The following SZT2 variants were observed in gnomAD, a reference collection of about 807,000 sequenced individuals.
SZT2 encodes the protein SZT2 subunit of KICSTOR complex, also known as KICSTOR complex protein SZT2.
In SZT2, 216 loss-of-function variants were observed where a neutral mutation model predicts 404.2. The observed-to-expected ratio is 0.53, with a 90% confidence interval of 0.48 to 0.60. SZT2 has a LOEUF of 0.60. Among genes scored for constraint, SZT2 ranks in the 20% least tolerant of loss-of-function variants. The pLI is 0.00. For synonymous variants in SZT2, 1,693 were observed against 1,749.9 expected, an observed-to-expected ratio of 0.97 and a Z score of 0.81; for missense variants, 3,857 against 4,459.2, an observed-to-expected ratio of 0.86 and a Z score of 3.85.
chr1:43,441,290 G>A lies in SZT2; in HGVS notation c.7421G>A (p.Arg2474Gln), dbSNP rs1655031928. The A allele has an allele frequency of 4.3e-6, 7 of 1,614,230 alleles. No individual in the cohort carries two copies. Among genetic ancestry groups the A allele is most frequent in the Admixed American group, 1.7e-5 (1 of 60,028 alleles). Residue 2474 changes from arginine (R) to glutamine (Q), a missense_variant, in exon 53 of 72, where the codon CGG (arginine) becomes CAG (glutamine). Arg to Gln is a conservative substitution (Grantham distance 43). This residue lies in a region of SZT2 where 573 missense variants were observed against 592.4 expected (regional missense o/e 0.97). Coordinates refer to ENST00000634258, the MANE Select transcript of SZT2 (RefSeq NM_001365999.1). The surrounding 1 kb of genome is among the most constrained non-coding windows in gnomAD (Gnocchi z 4.8). ...DIVLDRPEDT[R>Q]GRRRHKTESV... The stretch of plus-strand genomic sequence containing the variant: ...GTCCTGGATCGGCCAGAAGACACTC[G>A]GGGCCGGAGGCGTCACAAAACCGAG...
chr1:43,428,534 C>T (rs766551513), intron 28 of SZT2, 48 bp downstream of exon 28: 3 of 1,587,470 alleles, frequency 1.9e-6, no homozygotes, highest in East Asian at 2.2e-5. Context: ...CAGACCAAGT[C>T]CCTATAAACA....
Position 43,396,491 on chromosome 1 carries a change from A to T in SZT2, c.27+6496A>T, listed in dbSNP as rs113235997. Among the ~76,000 whole-genome samples the T allele has an allele frequency of 6.7e-3, 1,027 of 152,346 alleles. 10 individuals are homozygous for T. The highest frequency in any genetic ancestry group is 0.024 in the African/African-American group (978 of 41,582). On this transcript the variant is annotated intron_variant, in intron 1 of 71. Transcript: ENST00000634258. ...TGTGAGGACATTCCCAACTCTACCA[A>T]CTAAACAGGTATGGGCAAAAAAAAC...
Position 43,439,470 on chromosome 1 carries a change from A to C in SZT2, c.6877+28A>C. The C allele has an allele frequency of 6.2e-7, 1 of 1,600,228 alleles. No individual in the cohort carries two copies. The highest frequency in any genetic ancestry group is 8.5e-7 in the Non-Finnish European group (1 of 1,171,860). On this transcript the variant is annotated intron_variant, in intron 49 of 71. Coordinates refer to ENST00000634258, the MANE Select transcript of SZT2 (RefSeq NM_001365999.1). This position sits in a 1 kb window ranked among gnomAD's most constrained non-coding sequence, Gnocchi z 4.2. Reference sequence around the variant, plus strand: ...ACGGTGCAGGGCACGGGCCTGTGGCACCACCAGGTGAGGGAAAGCCTTTTG... The same window carrying C: ...ACGGTGCAGGGCACGGGCCTGTGGCCCCACCAGGTGAGGGAAAGCCTTTTG...
At chr1:43,446,055 G>A in intron 63 of SZT2, 71 bp downstream of exon 63, 1 of 1,591,956 alleles carries the variant, frequency 6.3e-7, no homozygotes, top group Non-Finnish European at 8.6e-7. Context: ...CATTGACCCT[G>A]AGTGATGTAC....
chr1:43,425,855 C>T lies in SZT2; in HGVS notation c.2835C>T (p.Ala945=). ...TGTAGCTCCACCCACGGGATGCTGC[C>T]TGCATAGGCTCCATGCTGAGCTTTG... The part of the protein sequence containing the change: ...IPQALHPRDA[A]CIGSMLSFEY... The change falls in exon 20 of 72, where the codon GCC becomes GCT. Residue 945 remains alanine, a synonymous_variant. Coordinates refer to ENST00000634258, the MANE Select transcript of SZT2 (RefSeq NM_001365999.1). The surrounding 1 kb of genome is among the most constrained non-coding windows in gnomAD (Gnocchi z 4.3). 1 of 1,614,028 alleles carries T rather than the reference C, an allele frequency of 6.2e-7. No homozygotes were observed. The highest frequency in any genetic ancestry group is 8.5e-7 in the Non-Finnish European group (1 of 1,179,988).
chr1:43,404,463 A>G lies in SZT2; in HGVS notation c.411A>G (p.Arg137=), dbSNP rs1650059049. The change falls in exon 4 of 72, where the codon CGA becomes CGG. Residue 137 remains arginine (R), a synonymous_variant. Coordinates refer to ENST00000634258, the MANE Select transcript of SZT2 (RefSeq NM_001365999.1). ...RCLGGLLRPF[R]VPGSCIDFQP... is the part of the protein sequence containing the mutation. Reference sequence around the variant, plus strand: ...TAGGCGGGCTGCTTCGGCCCTTCCGAGTGCCTGGATCTTGCATCGACTTCC... The same window carrying G: ...TAGGCGGGCTGCTTCGGCCCTTCCGGGTGCCTGGATCTTGCATCGACTTCC... The G allele has an allele frequency of 6.2e-7, 1 of 1,613,902 alleles. No individual in the cohort carries two copies. The highest frequency in any genetic ancestry group is 8.5e-7 in the Non-Finnish European group (1 of 1,180,004).
In SZT2 at chr1:43,416,565, G is replaced by A; in HGVS notation, c.803G>A (p.Ser268Asn). The change falls in exon 7 of 72, where the codon AGT (serine) becomes AAT (asparagine). Residue 268 changes from serine to asparagine, a missense_variant. By Grantham distance (46) the Ser-to-Asn change is conservative (BLOSUM62 1). Coordinates refer to ENST00000634258, the MANE Select transcript of SZT2 (RefSeq NM_001365999.1). The stretch of plus-strand genomic sequence containing the variant: ...ATCGTGATCACGGATGGGGTGACCA[G>A]TGTACCTGATGTTGCTGTCTGTGAG... ...GIIVITDGVT[S>N]VPDVAVCETL... The A allele has an allele frequency of 6.3e-7, 1 of 1,598,382 alleles. No individual in the cohort carries two copies. Among genetic ancestry groups the A allele is most frequent in the South Asian group, 1.1e-5 (1 of 91,040 alleles).
Position 43,434,426 on chromosome 1 carries a change from C to G in SZT2, c.5845C>G (p.Arg1949Gly), listed in dbSNP as rs775747042. The change falls in exon 41 of 72, where the codon CGC becomes GGC. Residue 1949 changes from arginine to glycine, a missense_variant. Arg to Gly is a moderately radical substitution (Grantham distance 125). Around this residue, in one of 7 missense-constraint regions of SZT2, gnomAD observed 1,725 missense variants for 1,881.0 expected, o/e 0.92. Transcript: ENST00000634258. ...GGATGGGGGGCCGGGCACTGAGTGT[C>G]GCCACCTGCAGCAGCTCCTGGTGAG... is the stretch of plus-strand genomic sequence containing the variant. The part of the protein sequence containing the change: ...REDGGPGTEC[R>G]HLQQLLVRRV... 24 of 1,598,988 alleles carry G rather than the reference C, an allele frequency of 1.5e-5. 1 individual carries two copies. The South Asian group carries it at 2.4e-4, about 16-fold the overall frequency.
chr1:43,424,387 C>T lies in SZT2; in HGVS notation c.2426C>T (p.Ala809Val), dbSNP rs1011101658. 17 of 1,598,072 alleles carry T rather than the reference C, an allele frequency of 1.1e-5. No homozygotes were observed. Among genetic ancestry groups the T allele is most frequent in the South Asian group, 2.2e-5 (2 of 91,076 alleles). ...AGTGTCCCGTCAGGACTGGCCCCTG[C>T]GCTGCCTCTCAGTGCCATTGCCCAG... ...LWSVPSGLAP[A>V]LPLSAIAQLL... The change falls in exon 16 of 72, where the codon GCG (alanine) becomes GTG (valine). Residue 809 changes from alanine (A) to valine (V), a missense_variant. By Grantham distance (64) the Ala-to-Val change is moderately conservative. This residue lies in a region of SZT2 where 1,725 missense variants were observed against 1,881.0 expected (regional missense o/e 0.92). Coordinates refer to ENST00000634258, the MANE Select transcript of SZT2 (RefSeq NM_001365999.1). This position sits in a 1 kb window ranked among gnomAD's most constrained non-coding sequence, Gnocchi z 4.1.
Position 43,439,755 on chromosome 1 carries a change from T to G in SZT2, c.7028T>G (p.Val2343Gly). 1.3e-6 allele frequency: 2 copies of G among 1,593,788 alleles called. No individual in the cohort carries two copies. Among genetic ancestry groups the G allele is most frequent in the Non-Finnish European group, 1.7e-6 (2 of 1,168,874 alleles). Residue 2343 changes from valine to glycine, a missense_variant, in exon 50 of 72, where the codon GTG becomes GGG. Val to Gly is a moderately radical substitution (Grantham distance 109). This residue lies in a region of SZT2 where 573 missense variants were observed against 592.4 expected (regional missense o/e 0.97). Transcript: ENST00000634258. This position sits in a 1 kb window ranked among gnomAD's most constrained non-coding sequence, Gnocchi z 4.2. Reference protein sequence around the residue: ...LTQVIRCPVVVDSSSAQNGAP... With the variant: ...LTQVIRCPVVGDSSSAQNGAP... ...CAGGTCATCCGCTGCCCGGTTGTTG[T>G]GGACAGTTCTTCAGGTGGGACAGCT...
intron 4 of SZT2, among the ~76,000 whole-genome samples, chr1:43,413,377 A>G (rs1396886488): frequency 6.6e-6 from 1 of 152,182 alleles, no homozygotes; most frequent in Non-Finnish European, 1.5e-5. Flanking sequence ...GCAAGACTCC[A>G]TCTCAAACAA....
Position 43,437,774 on chromosome 1 carries a change from C to T in SZT2, c.6397-17C>T. The T allele has an allele frequency of 1.2e-6, 2 of 1,614,128 alleles. No homozygotes were observed. Among genetic ancestry groups the T allele is most frequent in the East Asian group, 2.2e-5 (1 of 44,864 alleles). On this transcript the variant is annotated splice_polypyrimidine_tract_variant and intron_variant, in intron 45 of 71. Coordinates refer to ENST00000634258, the MANE Select transcript of SZT2 (RefSeq NM_001365999.1). The surrounding 1 kb of genome is among the most constrained non-coding windows in gnomAD (Gnocchi z 5.3). ...TGCTCTCTGGAACCGGGGCCCTGACCACAGTTTTCCCTGTAGGGTCCTCGT... is the reference window on the plus strand; with the variant it reads ...TGCTCTCTGGAACCGGGGCCCTGACTACAGTTTTCCCTGTAGGGTCCTCGT...
chr1:43,421,080 A>C, intron 10 of SZT2, 94 bp from the exon 11 acceptor site: 2 of 1,595,056 alleles, frequency 1.3e-6, no homozygotes, highest in Non-Finnish European at 1.7e-6. Flanking sequence ...CCAGAGAACC[A>C]GGCTTATATC....
chr1:43,419,159 A>G (rs1241598592), intron 7 of SZT2, among the ~76,000 whole-genome samples: 1 of 152,256 alleles, frequency 6.6e-6, no homozygotes, highest in Non-Finnish European at 1.5e-5. Flanking sequence ...AAGCAGCCAC[A>G]GACAATACAA....
chr1:43,441,633 AC>A lies in SZT2; in HGVS notation c.7609+36del, dbSNP rs1655070322. On this transcript the variant is annotated intron_variant, in intron 54 of 71. Coordinates refer to ENST00000634258, the MANE Select transcript of SZT2 (RefSeq NM_001365999.1). The surrounding 1 kb of genome is among the most constrained non-coding windows in gnomAD (Gnocchi z 4.8). ...CCCCAGCCTCCCCTCCCATCCCTCA[AC>A]CCCAGCCTGGTCTCCATCCTGCAGC... 6.2e-7 allele frequency: 1 copy of A among 1,613,550 alleles called. No homozygotes were observed. Among genetic ancestry groups the A allele is most frequent in the Non-Finnish European group, 8.5e-7 (1 of 1,179,872 alleles).
At chr1:43,406,784 A>G (rs2153930200) in intron 4 of SZT2, 1 of 152,378 alleles carries the variant, frequency 6.6e-6, no homozygotes, top group Middle Eastern at 3.4e-3. Flanking sequence ...TGAGCAAGTT[A>G]CTTAACCTTT....
chr1:43,424,689 A>G lies in SZT2; in HGVS notation c.2472-95A>G. On this transcript the variant is annotated intron_variant, in intron 16 of 71. Coordinates refer to ENST00000634258, the MANE Select transcript of SZT2 (RefSeq NM_001365999.1). The surrounding 1 kb of genome is among the most constrained non-coding windows in gnomAD (Gnocchi z 4.1). ...CAGCAGCAGACTTGGCTCCTTGAGG[A>G]CTGCTGGGAGGTGGGTGTATGTGGG... 1 of 1,107,530 alleles carries G rather than the reference A, an allele frequency of 9.0e-7. No individual in the cohort carries two copies. Among genetic ancestry groups the G allele is most frequent in the African/African-American group, 1.5e-5 (1 of 65,208 alleles). The allele number at this position is 1,107,530 out of a possible 1,614,324, so 68.6% of individuals were successfully genotyped here. A position where few individuals can be genotyped will look rare whatever the true frequency, so the allele number is the denominator to read the frequency against.
intron 1 of SZT2, among the ~76,000 whole-genome samples, chr1:43,400,931 C>CT (rs929663176): frequency 4.0e-5 from 6 of 150,980 alleles, no homozygotes; most frequent in Admixed American, 1.3e-4. Flanking sequence ...AAATAGTTAA[C>CT]TTTTTTTTTG....
chr1:43,427,501 G>C (rs756600330), intron 25 of SZT2, 29 bp from the exon 26 acceptor site: 25 of 1,613,800 alleles, frequency 1.5e-5, no homozygotes, highest in Non-Finnish European at 9.3e-6. Flanking sequence ...GATAGAGCTG[G>C]AAGACCACGT....
Sources: gnomAD v4.1 joint callset for allele counts (sites outside exome capture counted in the v4.1 genomes callset) on GRCh38, gnomAD v4.1.1 for gene constraint, gnomAD v4.1.1 regional missense constraint, Gnocchi (gnomAD v3.1) non-coding constraint, MANE v1.5 for transcripts, NCBI Gene and HGNC (gene_info 2026-07-23, HGNC 2026-07-21) for gene names.